The following LRRC49 variants were observed in gnomAD, a reference collection of about 807,000 sequenced individuals.
LRRC49 encodes leucine-rich repeat-containing protein 49.
Under a neutral mutation model 83.3 loss-of-function variants are expected in LRRC49, and 50 were observed. The ratio of observed to expected loss-of-function variants is 0.60; its 90% CI spans 0.48 to 0.76. LRRC49 has a LOEUF of 0.76. Among genes scored for constraint, LRRC49 ranks in the 30% least tolerant of loss-of-function variants. The pLI, the probability that LRRC49 is intolerant of heterozygous loss-of-function variation, is 0.00. For synonymous variants in LRRC49, 286 were observed against 283.3 expected (o/e 1.01, Z -0.10); for missense variants, 704 against 809.1 (o/e 0.87, Z 1.58).
chr15:70,993,812 G>A (rs1303300141), intron 11 of LRRC49, among the ~76,000 whole-genome samples: 1 of 151,960 alleles, frequency 6.6e-6, no homozygotes, highest in Non-Finnish European at 1.5e-5. Context: ...TTATAATAAG[G>A]TTTTAGAAGT....
chr15:70,924,914 CTACT>C (rs1043000918), intron 7 of LRRC49, among the ~76,000 whole-genome samples: 1 of 151,922 alleles, frequency 6.6e-6, no homozygotes, highest in Non-Finnish European at 1.5e-5. Context: ...ATTAAAATGT[CTACT>C]ATCATTTGTG....
chr15:70,934,004 C>G (rs2035510129), intron 7 of LRRC49, among the ~76,000 whole-genome samples: 1 of 152,174 alleles, frequency 6.6e-6, no homozygotes, highest in Non-Finnish European at 1.5e-5. Context: ...ATTTTTACCT[C>G]TTGGAGATAC....
intron 6 of LRRC49, among the ~76,000 whole-genome samples, chr15:70,917,941 T>C (rs985205262): frequency 2.6e-5 from 4 of 152,226 alleles, no homozygotes; most frequent in Non-Finnish European, 4.4e-5. Flanking sequence ...AGAAGGAAAC[T>C]GTGGCCCTTC....
At chr15:70,919,252 A>G in intron 7 of LRRC49, 59 bp downstream of exon 7, 1 of 1,425,330 alleles carries the variant, frequency 7.0e-7, no homozygotes, top group South Asian at 1.4e-5. Context: ...GAATTGAAAC[A>G]AATGTTGTAA....
chr15:70,859,992 A>G, intron 1 of LRRC49: 1 of 755,750 alleles, frequency 1.3e-6, no homozygotes, highest in Non-Finnish European at 2.4e-6. Context: ...AGCTCCACCT[A>G]TGGGGACCTC....
intron 13 of LRRC49, among the ~76,000 whole-genome samples, chr15:71,010,275 TTAAAAA>T (rs1268790950): frequency 6.6e-6 from 1 of 151,946 alleles, no homozygotes; most frequent in Non-Finnish European, 1.5e-5. Flanking sequence ...GGGGTGACAG[TTAAAAA>T]TAAAAATAAA....
intron 15 of LRRC49, among the ~76,000 whole-genome samples, chr15:71,046,774 A>T (rs903469494): frequency 1.6e-4 from 25 of 151,896 alleles, no homozygotes; most frequent in Non-Finnish European, 2.8e-4. Flanking sequence ...ATTCTTTGCC[A>T]AGGCCAATAT....
intron 8 of LRRC49, among the ~76,000 whole-genome samples, chr15:70,961,313 G>A (rs1302367262): frequency 6.6e-6 from 1 of 152,178 alleles, no homozygotes; most frequent in African/African-American, 2.4e-5. Flanking sequence ...AGATGATACA[G>A]CCACTTTGGA....
chr15:70,907,815 A>G, intron 5 of LRRC49: 1 of 376,364 alleles, frequency 2.7e-6, no homozygotes, highest in Middle Eastern at 4.0e-4. Flanking sequence ...TATTCAATGG[A>G]AGAACTTCTT....
intron 8 of LRRC49, among the ~76,000 whole-genome samples, chr15:70,955,335 T>C (rs1392716499): frequency 6.6e-6 from 1 of 152,166 alleles, no homozygotes; most frequent in Non-Finnish European, 1.5e-5. Context: ...GCTCCATGGA[T>C]GTTAAAGCCC....
rs186894717 is a variant in LRRC49 at position 70,972,280 on chromosome 15, A to C, written c.922-7821A>C. On this transcript the variant is annotated intron_variant, in intron 9 of 15. Transcript: ENST00000260382. Reference sequence around the variant, plus strand: ...CTGGATATGAAATTCTGGGTTGAAAATTCTTTTCTTTAAGAATGTTGAATA... The same window carrying C: ...CTGGATATGAAATTCTGGGTTGAAACTTCTTTTCTTTAAGAATGTTGAATA... Among the ~76,000 whole-genome samples the C allele has an allele frequency of 2.4e-3, 365 of 152,304 alleles. 2 individuals carry two copies. Among genetic ancestry groups the C allele is most frequent in the African/African-American group, 8.6e-3 (356 of 41,578 alleles).
intron 7 of LRRC49, among the ~76,000 whole-genome samples, chr15:70,930,956 A>C (rs1024871839): frequency 6.6e-6 from 1 of 152,164 alleles, no homozygotes; most frequent in African/African-American, 2.4e-5. Context: ...GACCATTCAA[A>C]CTTTCTTCCT....
chr15:71,040,616 G>C (rs1428237614), intron 15 of LRRC49, among the ~76,000 whole-genome samples: 1 of 151,906 alleles, frequency 6.6e-6, no homozygotes, highest in East Asian at 1.9e-4. Flanking sequence ...TTAGGAGATC[G>C]AGACCATCCT....
chr15:70,934,941 G>C (rs993484217), intron 7 of LRRC49, among the ~76,000 whole-genome samples: 1 of 152,150 alleles, frequency 6.6e-6, no homozygotes, highest in Non-Finnish European at 1.5e-5. Flanking sequence ...CATGTTTCTA[G>C]AGACCAGATA....
At chr15:70,884,818 G>A (rs903660548) in intron 2 of LRRC49, among the ~76,000 whole-genome samples, 4 of 151,996 alleles carry the variant, frequency 2.6e-5, no homozygotes, top group Admixed American at 1.3e-4. Context: ...ATTTTTTACT[G>A]CAAAAATTTG....
intron 11 of LRRC49, among the ~76,000 whole-genome samples, chr15:70,987,456 G>A (rs2037670908): frequency 6.6e-6 from 1 of 152,162 alleles, no homozygotes; most frequent in African/African-American, 2.4e-5. Flanking sequence ...ATGGCAATTT[G>A]TATTTCTGTG....
At chr15:70,993,597 C>T (rs2037973064) in intron 11 of LRRC49, among the ~76,000 whole-genome samples, 1 of 151,978 alleles carries the variant, frequency 6.6e-6, no homozygotes, top group Non-Finnish European at 1.5e-5. Flanking sequence ...CTTATATAGC[C>T]CTAGAGCTAT....
At chr15:70,931,401 A>C (rs2035401495) in intron 7 of LRRC49, among the ~76,000 whole-genome samples, 1 of 152,198 alleles carries the variant, frequency 6.6e-6, no homozygotes, top group South Asian at 2.1e-4. Context: ...GATCACGGAT[A>C]ATCATAACAA....
intron 8 of LRRC49, among the ~76,000 whole-genome samples, chr15:70,957,143 C>T (rs1337218593): frequency 6.6e-6 from 1 of 152,140 alleles, no homozygotes; most frequent in Non-Finnish European, 1.5e-5. Flanking sequence ...AGACCAATTC[C>T]ATTGGCAATT....
Sources: allele counts gnomAD v4.1 joint callset (sites outside exome capture counted in the v4.1 genomes callset), GRCh38; gene constraint gnomAD v4.1.1; transcripts MANE v1.5; gene names NCBI Gene and HGNC (gene_info 2026-07-23, HGNC 2026-07-21).